Variants in RPRD1A observed in about 807,000 individuals in gnomAD.
The protein encoded by RPRD1A is regulation of nuclear pre-mRNA domain-containing protein 1A.
Under a neutral mutation model 37.8 loss-of-function variants are expected in RPRD1A, and 9 were observed. That is an observed-to-expected ratio of 0.24 (90% CI 0.14 to 0.42). The LOEUF (loss-of-function observed/expected upper bound fraction) is 0.42, where lower values mean the gene tolerates loss of function less well. Ranked by LOEUF, RPRD1A falls within the 10% of genes least tolerant of loss-of-function variation. The pLI, the probability that RPRD1A is intolerant of heterozygous loss-of-function variation, is 1.00. For missense variants in RPRD1A, 255 were observed against 371.0 expected (o/e 0.69, Z 2.57); for synonymous variants, 138 against 139.7 (o/e 0.99, Z 0.08).
intron 1 of RPRD1A, among the ~76,000 whole-genome samples, chr18:36,034,599 AC>A (rs1376205608): frequency 6.6e-6 from 1 of 152,212 alleles, no homozygotes; most frequent in Non-Finnish European, 1.5e-5. Flanking sequence ...AATATTTTAT[AC>A]TATTCTTATA....
At chr18:36,036,349 C>T (rs1568137210) in intron 1 of RPRD1A, among the ~76,000 whole-genome samples, 1 of 152,302 alleles carries the variant, frequency 6.6e-6, no homozygotes, top group East Asian at 1.9e-4. Flanking sequence ...GCTGGGATTA[C>T]TGGTGTGAGC....
Position 36,057,799 on chromosome 18 carries a change from C to A in RPRD1A, c.151+9455G>T, listed in dbSNP as rs188561274. On this transcript the variant is annotated intron_variant, in intron 1 of 6. Coordinates refer to ENST00000399022, the MANE Select transcript of RPRD1A (RefSeq NM_018170.5). ...TTCTTGGTACAGCTCCTAGTAAATT[C>A]TACATATACTTCAAATCTTAAACCA... Among the ~76,000 whole-genome samples the A allele has an allele frequency of 1.1e-4, 17 of 152,282 alleles. 1 individual carries two copies. Among genetic ancestry groups the A allele is most frequent in the African/African-American group, 3.8e-4 (16 of 41,572 alleles).
intron 4 of RPRD1A, 169 bp from the exon 5 acceptor site, chr18:36,027,479 C>T (rs1027757580): frequency 1.5e-6 from 1 of 656,770 alleles, no homozygotes; most frequent in Non-Finnish European, 2.5e-6. Flanking sequence ...AAAAAGGAGG[C>T]TATACTATGT....
chr18:36,019,961 A>T (rs1252428606), intron 6 of RPRD1A, among the ~76,000 whole-genome samples: 1 of 152,086 alleles, frequency 6.6e-6, no homozygotes, highest in Non-Finnish European at 1.5e-5. Context: ...AACTGCTTGA[A>T]CCCAGGAGGC....
chr18:36,036,098 T>A (rs2144315813), intron 1 of RPRD1A, among the ~76,000 whole-genome samples: 1 of 151,856 alleles, frequency 6.6e-6, no homozygotes, highest in South Asian at 2.1e-4. Flanking sequence ...AAAAAAAATG[T>A]TTTTGTTTTT....
At chr18:36,048,531 T>C (rs1182156557) in intron 1 of RPRD1A, among the ~76,000 whole-genome samples, 1 of 151,860 alleles carries the variant, frequency 6.6e-6, no homozygotes. Context: ...AAAAACTGCA[T>C]GGTCAAATCA....
At chr18:36,038,866 C>A (rs1027169375) in intron 1 of RPRD1A, among the ~76,000 whole-genome samples, 4 of 152,256 alleles carry the variant, frequency 2.6e-5, no homozygotes, top group East Asian at 3.9e-4. Context: ...GGGCCTATAC[C>A]CCTCTTGTTT....
intron 1 of RPRD1A, among the ~76,000 whole-genome samples, chr18:36,042,190 G>A (rs576289688): frequency 9.1e-4 from 139 of 152,260 alleles, no homozygotes; most frequent in Admixed American, 1.9e-3. Flanking sequence ...GGTTCCTCCA[G>A]TTTTCCCTGA....
At chr18:36,030,531 A>G (rs1262969300) in intron 4 of RPRD1A, among the ~76,000 whole-genome samples, 4 of 152,162 alleles carry the variant, frequency 2.6e-5, no homozygotes, top group Non-Finnish European at 5.9e-5. Flanking sequence ...TTTTATTTTA[A>G]AAAGTTTAAA....
chr18:36,017,882 T>C (rs1461565997), intron 6 of RPRD1A, among the ~76,000 whole-genome samples: 1 of 152,264 alleles, frequency 6.6e-6, no homozygotes, highest in African/African-American at 2.4e-5. Context: ...ACTATTACTC[T>C]TTACAAATTC....
intron 1 of RPRD1A, among the ~76,000 whole-genome samples, chr18:36,058,483 T>C (rs1913949345): frequency 6.6e-6 from 1 of 152,254 alleles, no homozygotes; most frequent in Non-Finnish European, 1.5e-5. Context: ...AATGTAGAGA[T>C]AATTTGTTGA....
chr18:36,002,258 T>C (rs1324099282), intron 6 of RPRD1A, among the ~76,000 whole-genome samples: 1 of 152,204 alleles, frequency 6.6e-6, no homozygotes. Context: ...CCTTTCCAAA[T>C]GGTACCAAAA....
At chr18:36,066,980 G>A (rs975297776) in intron 1 of RPRD1A, among the ~76,000 whole-genome samples, 10 of 152,150 alleles carry the variant, frequency 6.6e-5, no homozygotes, top group Non-Finnish European at 1.2e-4. Context: ...TGAATTTCTG[G>A]CCCTAATTGG....
At chr18:36,027,474 G>C in intron 4 of RPRD1A, 164 bp from the exon 5 acceptor site, 1 of 686,656 alleles carries the variant, frequency 1.5e-6, no homozygotes, top group Non-Finnish European at 2.4e-6. Context: ...TAAGAAAAAA[G>C]GAGGCTATAC....
At chr18:36,058,813 CCTTTTTTCACT>C (rs1913970427) in intron 1 of RPRD1A, among the ~76,000 whole-genome samples, 1 of 152,146 alleles carries the variant, frequency 6.6e-6, no homozygotes, top group African/African-American at 2.4e-5. Context: ...CTATTATTTG[CCTTTTTTCACT>C]CTCATTCTCT....
intron 1 of RPRD1A, among the ~76,000 whole-genome samples, chr18:36,053,997 T>C (rs1221093854): frequency 6.6e-6 from 1 of 151,776 alleles, no homozygotes; most frequent in East Asian, 1.9e-4. Context: ...GGAAGAGGAA[T>C]GGGAATGGGG....
chr18:36,031,254 C>G (rs924756549), intron 2 of RPRD1A, among the ~76,000 whole-genome samples, 157 bp from the exon 3 acceptor site: 3 of 152,134 alleles, frequency 2.0e-5, no homozygotes, highest in East Asian at 3.9e-4. Context: ...GCCAGCAGCT[C>G]AAAAGTGAAG....
chr18:36,029,192 G>C (rs1911587302), intron 4 of RPRD1A, among the ~76,000 whole-genome samples: 1 of 152,118 alleles, frequency 6.6e-6, no homozygotes, highest in Non-Finnish European at 1.5e-5. Flanking sequence ...TCGTGGCCTT[G>C]GTCTGATTCC....
chr18:36,029,399 G>T (rs1262698651), intron 4 of RPRD1A, among the ~76,000 whole-genome samples: 1 of 152,120 alleles, frequency 6.6e-6, no homozygotes, highest in Non-Finnish European at 1.5e-5. Flanking sequence ...GACCTTAAAG[G>T]ATACTAATTT....
Sources: allele counts gnomAD v4.1 joint callset (sites outside exome capture counted in the v4.1 genomes callset), GRCh38; gene constraint gnomAD v4.1.1; transcripts MANE v1.5; gene names NCBI Gene and HGNC (gene_info 2026-07-23, HGNC 2026-07-21).